The following ZNF155 variants were observed in gnomAD, a reference collection of about 807,000 sequenced individuals.
ZNF155 encodes the protein KRAB A domain.
Under a neutral mutation model 11.9 loss-of-function variants are expected in ZNF155, and 15 were observed. The observed-to-expected ratio is 1.26, with a 90% CI of 0.84 to 1.94. The LOEUF is 1.94. Ranked by LOEUF, ZNF155 falls within the 30% of genes most tolerant of loss-of-function variation. The pLI is 0.00. For synonymous variants in ZNF155, 212 were observed against 219.9 expected, an observed-to-expected ratio of 0.96 and a Z score of 0.32; for missense variants, 602 against 639.1, an observed-to-expected ratio of 0.94 and a Z score of 0.63.
chr19:43,984,396 A>C (rs1056458251), intron 1 of ZNF155, 151 bp downstream of exon 1: 1 of 114,022 alleles, frequency 8.8e-6, no homozygotes, highest in African/African-American at 3.3e-5. Context: ...CCGTCGATGG[A>C]GCCTTCTGGC....
At chr19:43,990,156 A>G (rs964209929) in intron 2 of ZNF155, 2 of 1,198,372 alleles carry the variant, frequency 1.7e-6, no homozygotes, top group Non-Finnish European at 2.3e-6. Flanking sequence ...ATATGATCAC[A>G]GTTCTAAATG....
intron 1 of ZNF155, among the ~76,000 whole-genome samples, chr19:43,984,760 G>C (rs1352610093): frequency 6.6e-6 from 1 of 152,202 alleles, no homozygotes; most frequent in Non-Finnish European, 1.5e-5. Context: ...GGTGGGGTCA[G>C]AGCTCCAGCT....
At chr19:43,995,542 C>G (rs1420472082) in intron 4 of ZNF155, among the ~76,000 whole-genome samples, 1 of 151,790 alleles carries the variant, frequency 6.6e-6, no homozygotes, top group Non-Finnish European at 1.5e-5. Context: ...CACGACCACA[C>G]CTGGCTAATT....
At position 43,991,882 on chromosome 19, in the gene ZNF155, G is replaced by A. The variant is rs890015430; in HGVS notation, c.183G>A (p.Arg61=). 6.2e-7 allele frequency: 1 copy of A among 1,613,938 alleles called. No homozygotes were observed. The highest frequency in any genetic ancestry group is 2.2e-5 in the East Asian group (1 of 44,886). The change falls in exon 4 of 5, where the codon AGG becomes AGA. Residue 61 remains arginine (R), a synonymous_variant. Coordinates refer to ENST00000270014, the MANE Select transcript of ZNF155 (RefSeq NM_198089.3). ...ACCAAGATACTTGCCACTTCCTAAGGGAAGAAAAGTTTTGGATGATGGGGA... is the reference window on the plus strand; with the variant it reads ...ACCAAGATACTTGCCACTTCCTAAGAGAAGAAAAGTTTTGGATGATGGGGA... ...PFHQDTCHFL[R]EEKFWMMGTA...
chr19:43,992,557 C>T (rs1448543208), intron 4 of ZNF155, among the ~76,000 whole-genome samples: 1 of 152,236 alleles, frequency 6.6e-6, no homozygotes, highest in African/African-American at 2.4e-5. Flanking sequence ...TGTTTCACGT[C>T]TCCATCTTCG....
intron 3 of ZNF155, 29 bp downstream of exon 3, chr19:43,991,703 C>T (rs747145171): frequency 6.2e-7 from 1 of 1,613,810 alleles, no homozygotes; most frequent in Non-Finnish European, 8.5e-7. Flanking sequence ...TGTGTCTGAA[C>T]ATCAGGCCTC....
Position 43,996,025 on chromosome 19 carries a change from T to C in ZNF155, c.236-68T>C, listed in dbSNP as rs1260177469. On this transcript the variant is annotated intron_variant, in intron 4 of 4. Transcript: ENST00000270014. ...TTAAAGTTTAATGTCATGTCCTAAGTGTGAAACCTTGAGATCACTGAATAA... is the reference window on the plus strand; with the variant it reads ...TTAAAGTTTAATGTCATGTCCTAAGCGTGAAACCTTGAGATCACTGAATAA... The C allele has an allele frequency of 4.0e-6, 6 of 1,496,706 alleles. No homozygotes were observed. The African/African-American group carries it at 5.6e-5, about 14-fold the overall frequency. The allele number at this position is 1,496,706 out of a possible 1,614,324, so 92.7% of individuals were successfully genotyped here.
Position 43,997,514 on chromosome 19 carries a change from G to A in ZNF155, c.*40G>A, listed in dbSNP as rs1176205915. The A allele has an allele frequency of 2.7e-6, 4 of 1,465,854 alleles. No individual in the cohort carries two copies. Among genetic ancestry groups the A allele is most frequent in the Non-Finnish European group, 2.8e-6 (3 of 1,086,156 alleles). The allele number at this position is 1,465,854 out of a possible 1,614,324, so 90.8% of individuals were successfully genotyped here. On this transcript the variant is annotated 3_prime_UTR_variant, in exon 5 of 5. Transcript: ENST00000270014. ...GGGGTACAACGTGCTATTTTAATGT[G>A]TGCATACAATTTATAGTGATCCAAT...
rs755799477 is a variant in ZNF155 at position 43,990,113 on chromosome 19, G to A, written c.16-1435G>A. On this transcript the variant is annotated intron_variant, in intron 2 of 4. Coordinates refer to ENST00000270014, the MANE Select transcript of ZNF155 (RefSeq NM_198089.3). ...TGTATTCTGTTCAAAGATTATGGAGGTAGGTAAAAAACTGGGAAGAAAGCA... is the reference window on the plus strand; with the variant it reads ...TGTATTCTGTTCAAAGATTATGGAGATAGGTAAAAAACTGGGAAGAAAGCA... 2.6e-5 allele frequency: 39 copies of A among 1,513,600 alleles called. No individual in the cohort carries two copies. In the South Asian group the frequency reaches 4.6e-4, roughly 18 times the overall value. 93.8% of individuals were successfully genotyped at this position (1,513,600 alleles called of 1,614,324 possible).
rs781118298 is a variant in ZNF155 at position 43,996,184 on chromosome 19, A to T, written c.327A>T (p.Lys109Asn). Residue 109 changes from lysine to asparagine, a missense_variant, in exon 5 of 5, where the codon AAA (lysine) becomes AAT (asparagine). Physicochemically the swap from Lys to Asn is moderately conservative, Grantham distance 94. Transcript: ENST00000270014. The stretch of plus-strand genomic sequence containing the variant: ...AGCAAATCTGGGAACAAATTGCAAA[A>T]GACTTAACCAGGTCTCAGGACTCTA... The part of the protein sequence containing the change: ...SCQQIWEQIA[K>N]DLTRSQDSII... 2 of 1,614,058 alleles carry T rather than the reference A, an allele frequency of 1.2e-6. No individual in the cohort carries two copies. Among genetic ancestry groups the T allele is most frequent in the Non-Finnish European group, 1.7e-6 (2 of 1,180,022 alleles).
In ZNF155 at chr19:43,996,823, T is replaced by C. The variant is rs777583700; in HGVS notation, c.966T>C (p.Asp322=). ...GEKPFRCDTC[D]KSFHQRSALN... ...AACCATTTAGGTGTGATACATGTGA[T>C]AAGAGCTTTCATCAGAGATCAGCAC... Residue 322 remains aspartate (D), a synonymous_variant, in exon 5 of 5, where the codon GAT becomes GAC. Coordinates refer to ENST00000270014, the MANE Select transcript of ZNF155 (RefSeq NM_198089.3). 7.8e-5 allele frequency: 126 copies of C among 1,614,056 alleles called. 1 individual carries two copies. In the Admixed American group the frequency reaches 2.0e-3, roughly 26 times the overall value.
Position 43,997,012 on chromosome 19 carries a change from A to C in ZNF155, c.1155A>C (p.Ser385=), listed in dbSNP as rs1333407320. Residue 385 remains serine, a synonymous_variant, in exon 5 of 5, where the codon TCA becomes TCC. Transcript: ENST00000270014. ...GTGGGAAGAGCTTCAGATGGTCCTC[A>C]TGCCTTTTGAACCATCAGCGAGTCC... ...KECGKSFRWS[S]CLLNHQRVHS... 6.2e-7 allele frequency: 1 copy of C among 1,614,066 alleles called. No homozygotes were observed. Among genetic ancestry groups the C allele is most frequent in the Non-Finnish European group, 8.5e-7 (1 of 1,180,030 alleles).
At chr19:43,990,934 C>A (rs2147384914) in intron 2 of ZNF155, among the ~76,000 whole-genome samples, 1 of 152,278 alleles carries the variant, frequency 6.6e-6, no homozygotes, top group South Asian at 2.1e-4. Flanking sequence ...AGGCAGCCCA[C>A]CCGAGGTTAT....
At chr19:43,991,974 C>G (rs758138019) in intron 4 of ZNF155, 40 bp downstream of exon 4, 1 of 1,572,142 alleles carries the variant, frequency 6.4e-7, no homozygotes, top group Non-Finnish European at 8.7e-7. Context: ...ACCTGACTCT[C>G]CCACCTGTTG....
intron 2 of ZNF155, 138 bp from the exon 3 acceptor site, chr19:43,991,410 G>C: frequency 6.9e-7 from 1 of 1,446,940 alleles, no homozygotes; most frequent in Non-Finnish European, 9.4e-7. Context: ...GACAGAATGA[G>C]TGGGAAATCT....
intron 2 of ZNF155, among the ~76,000 whole-genome samples, chr19:43,990,605 C>T (rs1975624081): frequency 6.6e-6 from 1 of 152,168 alleles, no homozygotes; most frequent in African/African-American, 2.4e-5. Flanking sequence ...CTGATCAGGA[C>T]ACTGAAGGCT....
Position 43,997,209 on chromosome 19 carries a change from C to A in ZNF155, c.1352C>A (p.Thr451Lys). 1 of 1,614,070 alleles carries A rather than the reference C, an allele frequency of 6.2e-7. No homozygotes were observed. Among genetic ancestry groups the A allele is most frequent in the Non-Finnish European group, 8.5e-7 (1 of 1,180,012 alleles). ...CTTGACTTGCACCAGAGGGTCCACA[C>A]GGGAGAGAGACCTTATAATTGTAAG... is the stretch of plus-strand genomic sequence containing the variant. ...FNLDLHQRVH[T>K]GERPYNCKEC... The change falls in exon 5 of 5, where the codon ACG becomes AAG. Residue 451 changes from threonine to lysine, a missense_variant. Transcript: ENST00000270014.
At chr19:43,988,033 C>G (rs181742387) in intron 1 of ZNF155, among the ~76,000 whole-genome samples, 4 of 152,250 alleles carry the variant, frequency 2.6e-5, no homozygotes, top group Non-Finnish European at 4.4e-5. Flanking sequence ...TGCCTGTAAT[C>G]TCAGCACTTT....
rs1488018309 is a variant in ZNF155, at chr19:43,985,539, T to C, written c.-86+1294T>C. Among the ~76,000 whole-genome samples, 13 of 122,764 alleles carry C rather than the reference T, an allele frequency of 1.1e-4. No homozygotes were observed. In the East Asian group the frequency reaches 1.4e-3, roughly 13 times the overall value. 80.5% of individuals were successfully genotyped at this position (122,764 alleles called of 152,430 possible). A position where few individuals can be genotyped will look rare whatever the true frequency, so the allele number is the denominator to read the frequency against. On this transcript the variant is annotated intron_variant, in intron 1 of 4. Transcript: ENST00000270014. ...GAAAGGTATTGCTCTTTTTCTTTTTTTTTTTTTTTTTTTTTTCCTGAGACG... is the reference window on the plus strand; with the variant it reads ...GAAAGGTATTGCTCTTTTTCTTTTTCTTTTTTTTTTTTTTTTCCTGAGACG...
Sources: allele counts gnomAD v4.1 joint callset (sites outside exome capture counted in the v4.1 genomes callset), GRCh38; gene constraint gnomAD v4.1.1; transcripts MANE v1.5; gene names NCBI Gene and HGNC (gene_info 2026-07-23, HGNC 2026-07-21).